Variants in ECHDC1 observed in about 807,000 individuals in gnomAD.
The protein encoded by ECHDC1 is ethylmalonyl-CoA decarboxylase 1, also known as ethylmalonyl-CoA decarboxylase.
In ECHDC1, 29 loss-of-function variants were observed where a neutral mutation model predicts 29.7. The ratio of observed to expected loss-of-function variants is 0.98; its 90% CI spans 0.73 to 1.33. The LOEUF (loss-of-function observed/expected upper bound fraction) is 1.33, where lower values mean the gene tolerates loss of function less well. ECHDC1 is among the 40% of genes most tolerant of loss of function. The pLI, the probability that ECHDC1 is intolerant of heterozygous loss-of-function variation, is 0.00. For synonymous variants in ECHDC1, 126 were observed against 123.1 expected (o/e 1.02, Z -0.15); for missense variants, 328 against 350.0 (o/e 0.94, Z 0.50).
At chr6:127,322,718 A>T (rs1307466885) in intron 3 of ECHDC1, among the ~76,000 whole-genome samples, 1 of 151,974 alleles carries the variant, frequency 6.6e-6, no homozygotes, top group African/African-American at 2.4e-5. Flanking sequence ...AAATATATAG[A>T]AAAAGAATCG....
intron 4 of ECHDC1, chr6:127,315,369 T>C (rs1272634516): frequency 3.2e-6 from 1 of 307,852 alleles, no homozygotes. Context: ...TCCAAAACTG[T>C]GTTATGAAGT....
At chr6:127,295,602 T>C (rs1780533664) in intron 5 of ECHDC1, among the ~76,000 whole-genome samples, 2 of 152,194 alleles carry the variant, frequency 1.3e-5, no homozygotes. Flanking sequence ...AAAGATATCT[T>C]AAAAGATTAT....
At chr6:127,296,741 G>C (rs1297458034) in intron 5 of ECHDC1, among the ~76,000 whole-genome samples, 1 of 152,162 alleles carries the variant, frequency 6.6e-6, no homozygotes, top group Non-Finnish European at 1.5e-5. Flanking sequence ...GCTGTGCGCA[G>C]TGGCTCATGC....
intron 5 of ECHDC1, among the ~76,000 whole-genome samples, chr6:127,295,223 TA>T (rs890579859): frequency 6.6e-6 from 1 of 152,142 alleles, no homozygotes; most frequent in African/African-American, 2.4e-5. Flanking sequence ...TGCAAAAGGC[TA>T]CCTTGTAAGT....
At chr6:127,308,592 A>G (rs1387845067) in intron 5 of ECHDC1, among the ~76,000 whole-genome samples, 1 of 152,184 alleles carries the variant, frequency 6.6e-6, no homozygotes, top group Non-Finnish European at 1.5e-5. Flanking sequence ...TAAGATCTAC[A>G]ACACAACAAG....
chr6:127,334,198 T>C (rs1784224391), intron 1 of ECHDC1, among the ~76,000 whole-genome samples: 1 of 152,154 alleles, frequency 6.6e-6, no homozygotes, highest in South Asian at 2.1e-4. Flanking sequence ...AGATTTATCA[T>C]AGGCTTCTCA....
chr6:127,313,474 A>G (rs1782111218), intron 5 of ECHDC1: 4 of 416,204 alleles, frequency 9.6e-6, no homozygotes, highest in Admixed American at 2.6e-5. Context: ...AAATGCTGGG[A>G]TAACAGGCAT....
Position 127,331,884 on chromosome 6 carries a change from G to A in ECHDC1, c.-2-854C>T, listed in dbSNP as rs75357017. On this transcript the variant is annotated intron_variant, in intron 1 of 5. Coordinates refer to ENST00000454859, the MANE Select transcript of ECHDC1 (RefSeq NM_001002030.2). ...GAAAGGGTCCTAAGAAAAATGGGGA[G>A]GGAAATAGGAATGTGTGTGTGGTTT... The A allele has an allele frequency of 2.2e-3, 2,161 of 985,252 alleles. 42 individuals are homozygous for A. In the African/African-American group the frequency reaches 0.035, roughly 16 times the overall value. The allele number at this position is 985,252 out of a possible 1,614,324, so 61.0% of individuals were successfully genotyped here. A position where few individuals can be genotyped will look rare whatever the true frequency, so the allele number is the denominator to read the frequency against.
In ECHDC1 at chr6:127,305,290, G is replaced by GA. The variant is rs1281299336; in HGVS notation, c.497+9525dup. Among the ~76,000 whole-genome samples the GA allele has an allele frequency of 4.6e-5, 7 of 152,106 alleles. No homozygotes were observed. The East Asian group carries it at 9.6e-4, about 21-fold the overall frequency. On this transcript the variant is annotated intron_variant, in intron 5 of 5. Transcript: ENST00000454859. Reference sequence around the variant, plus strand: ...GTACGACATACTGCAAGTGCTGAGGGAAAAATCCTTTCATGCTAGAATAGT... The same window carrying GA: ...GTACGACATACTGCAAGTGCTGAGGGAAAAAATCCTTTCATGCTAGAATAGT...
At chr6:127,331,077 C>T (rs375748837) in intron 1 of ECHDC1, 47 bp from the exon 2 acceptor site, 6 of 1,430,524 alleles carry the variant, frequency 4.2e-6, no homozygotes, top group Non-Finnish European at 5.8e-6. Context: ...AATAGGCACT[C>T]ACTTTTCTAA....
chr6:127,321,828 C>T (rs1187101819), intron 3 of ECHDC1, among the ~76,000 whole-genome samples: 2 of 151,848 alleles, frequency 1.3e-5, no homozygotes, highest in Non-Finnish European at 2.9e-5. Flanking sequence ...AACAGTGAAA[C>T]CCCATCTCTA....
At position 127,293,608 on chromosome 6, in the gene ECHDC1, G is replaced by C. The variant is rs555918901; in HGVS notation, c.498-3331C>G. ...ATATGTACTCCACAATTCTTTTATAGATAGAGTGTGTCTGTATGTTTTAAA... is the reference window on the plus strand; with the variant it reads ...ATATGTACTCCACAATTCTTTTATACATAGAGTGTGTCTGTATGTTTTAAA... On this transcript the variant is annotated intron_variant, in intron 5 of 5. Transcript: ENST00000454859. Among the ~76,000 whole-genome samples, 4 of 152,078 alleles carry C rather than the reference G, an allele frequency of 2.6e-5. No individual in the cohort carries two copies. In the South Asian group the frequency reaches 6.2e-4, roughly 24 times the overall value.
At position 127,309,453 on chromosome 6, in the gene ECHDC1, AG is replaced by A. The variant is rs1781701727; in HGVS notation, c.497+5362del. Among the ~76,000 whole-genome samples, 4 of 150,224 alleles carry A rather than the reference AG, an allele frequency of 2.7e-5. 1 individual carries two copies. The highest frequency in any genetic ancestry group is 4.2e-4 in the South Asian group (2 of 4,760). On this transcript the variant is annotated intron_variant, in intron 5 of 5. Transcript: ENST00000454859. ...AAAAATCAAATCAAAATAAAGAAAA[AG>A]AAAAAACCCAGAAAACAAACAACAA...
intron 5 of ECHDC1, 34 bp from the exon 6 acceptor site, chr6:127,290,311 T>A (rs1780043125): frequency 2.5e-6 from 4 of 1,580,942 alleles, no homozygotes; most frequent in South Asian, 2.3e-5. Context: ...TAATTGTAAC[T>A]CTCTCTGTAT....
chr6:127,321,716 C>T (rs1212281445), intron 3 of ECHDC1, among the ~76,000 whole-genome samples: 1 of 152,078 alleles, frequency 6.6e-6, no homozygotes, highest in Non-Finnish European at 1.5e-5. Flanking sequence ...AATAGCTGGA[C>T]GTCGGGCCAG....
chr6:127,319,719 C>T (rs573035568), intron 3 of ECHDC1, among the ~76,000 whole-genome samples: 1 of 152,298 alleles, frequency 6.6e-6, no homozygotes, highest in African/African-American at 2.4e-5. Flanking sequence ...CTGAGAAGTA[C>T]TAAAACAAGG....
chr6:127,329,746 T>C (rs1452008224), intron 2 of ECHDC1: 5 of 308,112 alleles, frequency 1.6e-5, no homozygotes, highest in African/African-American at 1.1e-4. Flanking sequence ...AGTGAATTGT[T>C]AAACTTAATT....
intron 1 of ECHDC1, 39 bp from the exon 2 acceptor site, chr6:127,331,069 T>C (rs760772954): frequency 2.0e-6 from 3 of 1,496,734 alleles, no homozygotes; most frequent in South Asian, 1.1e-5. Flanking sequence ...TATAGATGAA[T>C]AGGCACTCAC....
chr6:127,322,157 T>C (rs1582982441), intron 3 of ECHDC1, among the ~76,000 whole-genome samples: 1 of 150,190 alleles, frequency 6.7e-6, no homozygotes, highest in Non-Finnish European at 1.5e-5. Context: ...AATACAAAAA[T>C]TAGCTGGGCA....
Sources: gnomAD v4.1 joint callset for allele counts (sites outside exome capture counted in the v4.1 genomes callset) on GRCh38, gnomAD v4.1.1 for gene constraint, MANE v1.5 for transcripts, NCBI Gene and HGNC (gene_info 2026-07-23, HGNC 2026-07-21) for gene names.